Variants in EOGT observed in about 807,000 individuals in gnomAD.
EOGT encodes the protein EGF domain specific O-linked N-acetylglucosamine transferase, also known as EGF domain-specific O-linked N-acetylglucosamine transferase.
Under a neutral mutation model 70.5 loss-of-function variants are expected in EOGT, and 55 were observed. The ratio of observed to expected loss-of-function variants is 0.78; its 90% CI spans 0.63 to 0.98. The LOEUF is 0.98. Ranked by LOEUF, EOGT falls within the 50% of genes least tolerant of loss-of-function variation. EOGT has a pLI of 0.00. For missense variants in EOGT, 703 were observed against 641.9 expected (o/e 1.10, Z -1.03); for synonymous variants, 246 against 217.1 (o/e 1.13, Z -1.17).
chr3:68,989,857 C>T (rs1470338187), intron 10 of EOGT, among the ~76,000 whole-genome samples: 2 of 151,372 alleles, frequency 1.3e-5, no homozygotes, highest in Non-Finnish European at 2.9e-5. Context: ...GGGAGGATCA[C>T]TTGAGCCTTG....
In EOGT at chr3:68,976,355, T is replaced by C. The variant is rs1327382444; in HGVS notation, c.*1263A>G. 2.0e-5 allele frequency: 3 copies of C among 152,182 alleles called. No individual in the cohort carries two copies. The highest frequency in any genetic ancestry group is 4.8e-5 in the African/African-American group (2 of 41,436). The allele number at this position is 152,182 out of a possible 1,614,324, so 9.4% of individuals were successfully genotyped here. ...AAATACTCGCATAAAATGGAAACCA[T>C]TATTTCATATATAAATTAATTAATC... On this transcript the variant is annotated 3_prime_UTR_variant, in exon 18 of 18. Coordinates refer to ENST00000383701, the MANE Select transcript of EOGT (RefSeq NM_001278689.2).
chr3:68,992,830 C>G (rs1193005877), intron 10 of EOGT, among the ~76,000 whole-genome samples: 1 of 152,232 alleles, frequency 6.6e-6, no homozygotes, highest in Non-Finnish European at 1.5e-5. Context: ...AACCTCAATT[C>G]TTGACTTCTG....
chr3:69,002,564 A>G (rs1047251495), intron 8 of EOGT, among the ~76,000 whole-genome samples: 2 of 152,054 alleles, frequency 1.3e-5, no homozygotes, highest in African/African-American at 2.4e-5. Context: ...AAAATCCCAG[A>G]TAAATGTGTG....
chr3:68,979,358 G>T (rs1377193274), intron 16 of EOGT, among the ~76,000 whole-genome samples: 7 of 152,170 alleles, frequency 4.6e-5, no homozygotes, highest in African/African-American at 7.2e-5. Flanking sequence ...TACACTGTTT[G>T]CAAGAAGACG....
At chr3:69,006,638 G>T (rs2091445347) in intron 6 of EOGT, among the ~76,000 whole-genome samples, 1 of 152,032 alleles carries the variant, frequency 6.6e-6, no homozygotes, top group Admixed American at 6.5e-5. Flanking sequence ...CTACATAATG[G>T]GCATGGCTTT....
At chr3:68,990,348 CTTTTTTTT>C (rs56046605) in intron 10 of EOGT, among the ~76,000 whole-genome samples, 1 of 107,890 alleles carries the variant, frequency 9.3e-6, no homozygotes, top group Non-Finnish European at 1.8e-5. Flanking sequence ...TTACCACATG[CTTTTTTTT>C]TTTTTTTTTT....
intron 14 of EOGT, among the ~76,000 whole-genome samples, chr3:68,984,563 G>A (rs1036073562): frequency 3.3e-5 from 5 of 152,162 alleles, no homozygotes; most frequent in African/African-American, 1.2e-4. Context: ...ATACATACCT[G>A]TTTATTAATC....
At chr3:68,995,750 T>G (rs548153911) in intron 10 of EOGT, among the ~76,000 whole-genome samples, 6 of 152,342 alleles carry the variant, frequency 3.9e-5, no homozygotes, top group African/African-American at 1.4e-4. Context: ...GGTAGAGTCC[T>G]CTTCAGAGGA....
At chr3:69,006,209 C>T (rs957600751) in intron 6 of EOGT, among the ~76,000 whole-genome samples, 15 of 152,154 alleles carry the variant, frequency 9.9e-5, no homozygotes, top group Non-Finnish European at 2.1e-4. Context: ...TTATCTTGCC[C>T]TTTCCATGTG....
intron 10 of EOGT, among the ~76,000 whole-genome samples, chr3:68,995,568 A>G (rs1288009708): frequency 6.6e-6 from 1 of 152,188 alleles, no homozygotes; most frequent in Non-Finnish European, 1.5e-5. Flanking sequence ...TCCAGCAGCC[A>G]CAGAGAAGGG....
At chr3:68,987,770 T>C in intron 13 of EOGT, 1 of 529,306 alleles carries the variant, frequency 1.9e-6, no homozygotes, top group Non-Finnish European at 3.3e-6. Flanking sequence ...GGGTTGTGTA[T>C]GTTACATGAA....
chr3:69,001,632 T>C lies in EOGT; in HGVS notation c.703A>G (p.Thr235Ala). 1 of 1,608,324 alleles carries C rather than the reference T, an allele frequency of 6.2e-7. No individual in the cohort carries two copies. Among genetic ancestry groups the C allele is most frequent in the Non-Finnish European group, 8.5e-7 (1 of 1,176,554 alleles). Reference sequence around the variant, plus strand: ...CCTGCATCTAATTTCATGAAATATGTTGGTTTTTCAATGACAATGTCACAT... The same window carrying C: ...CCTGCATCTAATTTCATGAAATATGCTGGTTTTTCAATGACAATGTCACAT... ...AKCDIVIEKPTYFMKLDAGVN... is the reference protein window; with the variant it reads ...AKCDIVIEKPAYFMKLDAGVN... The change falls in exon 9 of 18, where the codon ACA becomes GCA. Residue 235 changes from threonine to alanine, a missense_variant. Thr to Ala is a moderately conservative substitution (Grantham distance 58). Coordinates refer to ENST00000383701, the MANE Select transcript of EOGT (RefSeq NM_001278689.2).
chr3:68,992,387 A>G (rs2091018395), intron 10 of EOGT, among the ~76,000 whole-genome samples: 1 of 152,306 alleles, frequency 6.6e-6, no homozygotes. Flanking sequence ...CAAGTCCGAA[A>G]TCCTGCATGG....
chr3:68,981,806 G>T (rs1321149661), intron 15 of EOGT, among the ~76,000 whole-genome samples: 1 of 151,816 alleles, frequency 6.6e-6, no homozygotes, highest in Non-Finnish European at 1.5e-5. Flanking sequence ...GGCAAATTAG[G>T]TTTATAACAT....
intron 10 of EOGT, among the ~76,000 whole-genome samples, chr3:68,992,037 T>C (rs2091008672): frequency 1.3e-5 from 2 of 152,324 alleles, no homozygotes; most frequent in South Asian, 4.1e-4. Flanking sequence ...CCATAAGATG[T>C]GGGAATTCTG....
intron 15 of EOGT, among the ~76,000 whole-genome samples, chr3:68,982,041 G>C (rs959546888): frequency 6.6e-6 from 1 of 151,926 alleles, no homozygotes; most frequent in South Asian, 2.1e-4. Context: ...TGAACAGCTA[G>C]GACTACAGGC....
intron 10 of EOGT, among the ~76,000 whole-genome samples, chr3:68,994,668 G>C (rs967570524): frequency 2.0e-5 from 3 of 152,106 alleles, no homozygotes; most frequent in Admixed American, 1.3e-4. Flanking sequence ...AGCACACACT[G>C]TCATCCCAGA....
intron 4 of EOGT, among the ~76,000 whole-genome samples, chr3:69,009,233 C>T (rs2091508738): frequency 6.6e-6 from 1 of 152,130 alleles, no homozygotes; most frequent in South Asian, 2.1e-4. Context: ...CAGTAACAGG[C>T]TTAATTATGT....
Position 68,988,316 on chromosome 3 carries a change from G to GT in EOGT, c.1061dup (p.Asn354LysfsTer8). ...TTACCTTAGGTCCTTCTTGTGTGAT[G>GT]TTTAGTCTGTGTAGTACATGCTGGG... On this transcript the variant is annotated frameshift_variant, in exon 13 of 18. Transcript: ENST00000383701. LOFTEE classifies it high-confidence loss of function. The GT allele has an allele frequency of 6.5e-7, 1 of 1,535,778 alleles. No homozygotes were observed. The highest frequency in any genetic ancestry group is 8.7e-7 in the Non-Finnish European group (1 of 1,146,594).
Sources: allele counts gnomAD v4.1 joint callset (sites outside exome capture counted in the v4.1 genomes callset), GRCh38; gene constraint gnomAD v4.1.1; transcripts MANE v1.5; gene names NCBI Gene and HGNC (gene_info 2026-07-23, HGNC 2026-07-21).